Variants in DSCAM observed in about 807,000 individuals in gnomAD.
DSCAM encodes DS cell adhesion molecule, also known as cell adhesion molecule DSCAM.
A neutral mutation model predicts 217.7 loss-of-function variants in DSCAM; 47 were observed. The observed-to-expected ratio is 0.22, with a 90% CI of 0.17 to 0.28. DSCAM has a LOEUF of 0.28. Ranked by LOEUF, DSCAM falls within the 10% of genes least tolerant of loss-of-function variation. The pLI, the probability that DSCAM is intolerant of heterozygous loss-of-function variation, is 1.00. For missense variants in DSCAM, 2,080 were observed against 2,618.3 expected, an observed-to-expected ratio of 0.79 and a Z score of 4.49; for synonymous variants, 1,056 against 1,015.3, an observed-to-expected ratio of 1.04 and a Z score of -0.76.
At chr21:40,451,965 G>T (rs1297261177) in intron 3 of DSCAM, among the ~76,000 whole-genome samples, 6 of 152,006 alleles carry the variant, frequency 3.9e-5, no homozygotes, top group Admixed American at 1.3e-4. Context: ...TGACAGAAGG[G>T]TCCCTCAACA....
chr21:40,429,651 G>A (rs932480922), intron 3 of DSCAM, among the ~76,000 whole-genome samples: 2 of 152,224 alleles, frequency 1.3e-5, no homozygotes, highest in African/African-American at 4.8e-5. Flanking sequence ...TTGGAAAGTT[G>A]TTAAACGCCC....
At chr21:40,311,553 G>A (rs183518713) in intron 9 of DSCAM, among the ~76,000 whole-genome samples, 4 of 152,168 alleles carry the variant, frequency 2.6e-5, no homozygotes, top group East Asian at 3.9e-4. Flanking sequence ...ACGTTGCAAT[G>A]GCGTCCCAAA....
intron 1 of DSCAM, among the ~76,000 whole-genome samples, chr21:40,838,378 C>T (rs1479279042): frequency 2.0e-5 from 3 of 152,196 alleles, no homozygotes; most frequent in Non-Finnish European, 4.4e-5. Context: ...CCCTCAGCCC[C>T]TGTGACCCAT....
At position 40,570,116 on chromosome 21, in the gene DSCAM, A is replaced by T. The variant is rs954586840; in HGVS notation, c.508+122694T>A. On this transcript the variant is annotated intron_variant, in intron 3 of 32. Coordinates refer to ENST00000400454, the MANE Select transcript of DSCAM (RefSeq NM_001389.5). ...TACAGAAAGTCAAGAACAGGTCTAGAGAGCAAAGAGAATGCCCCAGAAACT... is the reference window on the plus strand; with the variant it reads ...TACAGAAAGTCAAGAACAGGTCTAGTGAGCAAAGAGAATGCCCCAGAAACT... Among the ~76,000 whole-genome samples the T allele has an allele frequency of 2.0e-5, 3 of 152,190 alleles. No homozygotes were observed. The South Asian group carries it at 6.2e-4, about 32-fold the overall frequency.
intron 3 of DSCAM, among the ~76,000 whole-genome samples, chr21:40,515,280 A>G (rs1433166774): frequency 6.6e-6 from 1 of 152,214 alleles, no homozygotes; most frequent in East Asian, 1.9e-4. Flanking sequence ...TTTGAAAAAA[A>G]TATATAAACG....
At chr21:40,472,996 A>G (rs1173085708) in intron 3 of DSCAM, among the ~76,000 whole-genome samples, 2 of 152,158 alleles carry the variant, frequency 1.3e-5, no homozygotes, top group African/African-American at 4.8e-5. Context: ...CTACAAACCC[A>G]TTTCCCTGGC....
At chr21:40,107,967 C>A (rs1259573071) in intron 20 of DSCAM, among the ~76,000 whole-genome samples, 1 of 152,134 alleles carries the variant, frequency 6.6e-6, no homozygotes, top group East Asian at 1.9e-4. Context: ...AACATCCATT[C>A]ATGTTAAAAA....
intron 1 of DSCAM, among the ~76,000 whole-genome samples, chr21:40,749,666 A>G (rs1372928726): frequency 6.6e-6 from 1 of 152,190 alleles, no homozygotes; most frequent in Admixed American, 6.5e-5. Flanking sequence ...GAGGCATGAA[A>G]GATCCTCAAA....
At chr21:40,581,399 C>A (rs1391391364) in intron 3 of DSCAM, among the ~76,000 whole-genome samples, 1 of 152,118 alleles carries the variant, frequency 6.6e-6, no homozygotes, top group Non-Finnish European at 1.5e-5. Context: ...ACACTCTCAT[C>A]CCTGTTTTAC....
intron 9 of DSCAM, among the ~76,000 whole-genome samples, chr21:40,305,987 T>G (rs1036572840): frequency 6.6e-6 from 1 of 152,084 alleles, no homozygotes; most frequent in Non-Finnish European, 1.5e-5. Flanking sequence ...AGAAAGTCAT[T>G]GGTAGCTTGA....
intron 1 of DSCAM, among the ~76,000 whole-genome samples, chr21:40,738,458 A>G (rs1601194609): frequency 1.3e-5 from 2 of 152,202 alleles, no homozygotes; most frequent in African/African-American, 4.8e-5. Flanking sequence ...GGTCCAAGCT[A>G]ACAGGCATTT....
Position 40,291,304 on chromosome 21 carries a change from A to T in DSCAM, c.2182+4751T>A, listed in dbSNP as rs1184293351. Among the ~76,000 whole-genome samples the T allele has an allele frequency of 2.0e-5, 3 of 152,218 alleles. No homozygotes were observed. The East Asian group carries it at 5.8e-4, about 29-fold the overall frequency. ...GCTTTCAAAACAGCATGCCAGTGTG[A>T]TCCTTTTAAAGCATGAGGCAGATCA... On this transcript the variant is annotated intron_variant, in intron 10 of 32. Coordinates refer to ENST00000400454, the MANE Select transcript of DSCAM (RefSeq NM_001389.5).
intron 3 of DSCAM, among the ~76,000 whole-genome samples, chr21:40,634,635 A>T (rs888903790): frequency 6.6e-6 from 1 of 152,262 alleles, no homozygotes; most frequent in Non-Finnish European, 1.5e-5. Flanking sequence ...TCAGTAAAAC[A>T]AAATATGTAC....
chr21:40,469,373 G>A (rs1161808090), intron 3 of DSCAM, among the ~76,000 whole-genome samples: 1 of 152,092 alleles, frequency 6.6e-6, no homozygotes, highest in African/African-American at 2.4e-5. Context: ...TCCAGCATAG[G>A]GGAGACATGA....
intron 11 of DSCAM, among the ~76,000 whole-genome samples, chr21:40,221,490 T>C (rs577736762): frequency 8.7e-5 from 13 of 148,924 alleles, no homozygotes; most frequent in African/African-American, 3.2e-4. Context: ...TAATACATAT[T>C]ATATATAATA....
chr21:40,684,012 G>C (rs1332356865), intron 3 of DSCAM, among the ~76,000 whole-genome samples: 1 of 151,920 alleles, frequency 6.6e-6, no homozygotes, highest in Non-Finnish European at 1.5e-5. Flanking sequence ...AGATCACGAG[G>C]TCAGGAGATC....
chr21:40,485,493 C>T (rs1001796273), intron 3 of DSCAM, among the ~76,000 whole-genome samples: 2 of 151,970 alleles, frequency 1.3e-5, no homozygotes, highest in South Asian at 2.1e-4. Flanking sequence ...CCGCCCGCCT[C>T]GGCCTCCCAA....
intron 1 of DSCAM, among the ~76,000 whole-genome samples, chr21:40,844,627 G>A (rs2092129638): frequency 6.6e-6 from 1 of 151,274 alleles, no homozygotes; most frequent in Admixed American, 6.5e-5. Context: ...TTTTCATATT[G>A]CAGAATATTT....
intron 3 of DSCAM, among the ~76,000 whole-genome samples, chr21:40,440,989 G>A (rs1041371747): frequency 1.1e-4 from 16 of 152,210 alleles, no homozygotes; most frequent in African/African-American, 3.9e-4. Context: ...TGCACTGGAT[G>A]CAGGCTATGG....
Sources: allele counts gnomAD v4.1 joint callset (sites outside exome capture counted in the v4.1 genomes callset), GRCh38; gene constraint gnomAD v4.1.1; transcripts MANE v1.5; gene names NCBI Gene and HGNC (gene_info 2026-07-23, HGNC 2026-07-21).